OPHN1: variants seen among roughly 807,000 people sequenced by gnomAD.
OPHN1 encodes the protein oligophrenin-1.
A neutral mutation model predicts 60.7 loss-of-function variants in OPHN1; 11 were observed. The ratio of observed to expected loss-of-function variants is 0.18; its 90% confidence interval spans 0.11 to 0.30. OPHN1 has a LOEUF of 0.30. Among genes scored for constraint, OPHN1 ranks in the 10% least tolerant of loss-of-function variants. The pLI, the probability that OPHN1 is intolerant of heterozygous loss-of-function variation, is 1.00. For missense variants in OPHN1, 449 were observed against 611.0 expected (o/e 0.73, Z 2.80); for synonymous variants, 226 against 222.6 (o/e 1.02, Z -0.14).
chrX:68,266,847 T>C (rs891152854), intron 5 of OPHN1, among the ~76,000 whole-genome samples: 9 of 110,608 alleles, frequency 8.1e-5, no homozygotes, highest in Admixed American at 6.8e-4. Context: ...CCCAAGCACA[T>C]GGAAAGCAAA....
intron 15 of OPHN1, among the ~76,000 whole-genome samples, chrX:68,187,507 C>CAA (rs55901805): frequency 1.1e-4 from 9 of 80,401 alleles, no homozygotes; most frequent in Admixed American, 1.4e-4. Context: ...CTGTCTTCTC[C>CAA]AAAAAAAAAA....
At chrX:68,282,706 A>C (rs1200046356) in intron 4 of OPHN1, among the ~76,000 whole-genome samples, 2 of 111,722 alleles carry the variant, frequency 1.8e-5, no homozygotes, top group African/African-American at 3.2e-5. Context: ...ATAAAAGTAA[A>C]ACTACTCCAC....
At chrX:68,415,064 C>A (rs763848566) in intron 2 of OPHN1, among the ~76,000 whole-genome samples, 60 of 112,067 alleles carry the variant, frequency 5.4e-4, no homozygotes, top group African/African-American at 1.9e-3. Flanking sequence ...TAATTCCATT[C>A]TTTCTCTAGC....
At chrX:68,197,343 C>G (rs1430325015) in intron 11 of OPHN1, 79 bp from the exon 12 acceptor site, 2 of 751,459 alleles carry the variant, frequency 2.7e-6, no homozygotes, top group Non-Finnish European at 4.1e-6. Context: ...GGGTCCCTCT[C>G]TGCCCTGGAG....
chrX:68,400,623 A>G (rs2078709383), intron 2 of OPHN1, among the ~76,000 whole-genome samples: 1 of 98,825 alleles, frequency 1.0e-5, no homozygotes, highest in Non-Finnish European at 2.1e-5. Flanking sequence ...TTTTTTTGAG[A>G]TGGAGTCTCG....
chrX:68,321,389 G>T (rs2078234511), intron 2 of OPHN1, among the ~76,000 whole-genome samples: 1 of 111,888 alleles, frequency 8.9e-6, no homozygotes, highest in South Asian at 3.7e-4. Context: ...TTAGAACCCT[G>T]CTGGCCTTAC....
intron 5 of OPHN1, among the ~76,000 whole-genome samples, chrX:68,245,549 A>G (rs866282957): frequency 7.2e-5 from 8 of 111,724 alleles, no homozygotes; most frequent in South Asian, 3.8e-4. Context: ...CAAGTCTACA[A>G]TGAGACAGGG....
chrX:68,054,852 G>T (rs73212827), intron 21 of OPHN1, among the ~76,000 whole-genome samples: 1 of 111,707 alleles, frequency 9.0e-6, no homozygotes, highest in Non-Finnish European at 1.9e-5. Context: ...CTATGCAAGG[G>T]TGTCAGTGGA....
intron 15 of OPHN1, among the ~76,000 whole-genome samples, chrX:68,136,174 AAT>A (rs1042471242): frequency 9.0e-5 from 10 of 110,865 alleles, no homozygotes; most frequent in African/African-American, 1.3e-4. Context: ...AAAGTTATTA[AAT>A]ATATGTGTGT....
At chrX:68,396,581 G>A (rs1408217450) in intron 2 of OPHN1, among the ~76,000 whole-genome samples, 3 of 109,866 alleles carry the variant, frequency 2.7e-5, no homozygotes, top group African/African-American at 3.3e-5. Context: ...TTGGGAGGCC[G>A]AGGCAGGCGG....
intron 6 of OPHN1, among the ~76,000 whole-genome samples, chrX:68,221,584 T>C (rs1389416947): frequency 1.1e-5 from 1 of 89,647 alleles, no homozygotes; most frequent in Non-Finnish European, 2.2e-5. Flanking sequence ...AACAGAGAGA[T>C]AGACCAATGG....
At chrX:68,142,902 A>G (rs1159245975) in intron 15 of OPHN1, among the ~76,000 whole-genome samples, 1 of 112,380 alleles carries the variant, frequency 8.9e-6, no homozygotes. Flanking sequence ...TATATTCTCC[A>G]GCAAGGATCT....
At chrX:68,343,537 T>C (rs2078365205) in intron 2 of OPHN1, among the ~76,000 whole-genome samples, 1 of 110,633 alleles carries the variant, frequency 9.0e-6, no homozygotes, top group South Asian at 3.8e-4. Flanking sequence ...AAGTGAGTGA[T>C]TGCCCATGGT....
At chrX:68,276,026 T>C (rs148334739) in intron 4 of OPHN1, among the ~76,000 whole-genome samples, 1 of 111,371 alleles carries the variant, frequency 9.0e-6, no homozygotes, top group Non-Finnish European at 1.9e-5. Flanking sequence ...AAAAAAAATA[T>C]AAAACTAGGC....
intron 5 of OPHN1, among the ~76,000 whole-genome samples, chrX:68,271,983 C>T (rs1438950465): frequency 1.0e-5 from 1 of 96,372 alleles, no homozygotes; most frequent in Admixed American, 1.2e-4. Context: ...CCCGCCTCAG[C>T]TGGAAACTTC....
At chrX:68,270,221 C>T (rs1389736321) in intron 5 of OPHN1, among the ~76,000 whole-genome samples, 2 of 111,088 alleles carry the variant, frequency 1.8e-5, no homozygotes, top group East Asian at 5.7e-4. Context: ...CCATTTCACC[C>T]AGCCATCCCA....
At chrX:68,331,068 G>A (rs985212332) in intron 2 of OPHN1, among the ~76,000 whole-genome samples, 32 of 102,774 alleles carry the variant, frequency 3.1e-4, no homozygotes, top group Non-Finnish European at 4.3e-4. Flanking sequence ...GTATAATTCT[G>A]TAAAAGTATA....
intron 2 of OPHN1, among the ~76,000 whole-genome samples, chrX:68,423,120 G>A (rs1007385365): frequency 1.2e-4 from 13 of 110,473 alleles, no homozygotes; most frequent in Admixed American, 6.7e-4. Flanking sequence ...CCGCCTCCTG[G>A]GTTCACTCCA....
At chrX:68,420,105 C>T (rs986487625) in intron 2 of OPHN1, among the ~76,000 whole-genome samples, 2 of 111,583 alleles carry the variant, frequency 1.8e-5, no homozygotes, top group African/African-American at 6.5e-5. Flanking sequence ...ATGCTGTTCT[C>T]CAGCTTTCAA....
Sources: allele counts gnomAD v4.1 joint callset (sites outside exome capture counted in the v4.1 genomes callset), GRCh38; gene constraint gnomAD v4.1.1; transcripts MANE v1.5; gene names NCBI Gene and HGNC (gene_info 2026-07-23, HGNC 2026-07-21).